The following PTPN14 variants were observed in gnomAD, a reference collection of about 807,000 sequenced individuals.
The protein encoded by PTPN14 is protein tyrosine phosphatase non-receptor type 14.
A neutral mutation model predicts 126.8 loss-of-function variants in PTPN14; 53 were observed. The observed-to-expected ratio is 0.42, with a 90% CI of 0.34 to 0.53. The LOEUF is 0.53. Ranked by LOEUF, PTPN14 falls within the 20% of genes least tolerant of loss-of-function variation. The pLI is 0.08. For synonymous variants in PTPN14, 630 were observed against 599.3 expected, an observed-to-expected ratio of 1.05 and a Z score of -0.75; for missense variants, 1,257 against 1,552.9, an observed-to-expected ratio of 0.81 and a Z score of 3.20.
At chr1:214,476,852 G>A (rs1277033911) in intron 1 of PTPN14, among the ~76,000 whole-genome samples, 2 of 152,118 alleles carry the variant, frequency 1.3e-5, no homozygotes, top group African/African-American at 2.4e-5. Context: ...CCTGGCACAT[G>A]GTAAGCATTG....
chr1:214,498,833 G>A (rs904454740), intron 1 of PTPN14, among the ~76,000 whole-genome samples: 13 of 152,022 alleles, frequency 8.6e-5, no homozygotes, highest in Admixed American at 6.5e-4. Flanking sequence ...TTAAGAGATA[G>A]GGTCTCACTC....
chr1:214,441,988 T>C (rs1057029241), intron 3 of PTPN14, among the ~76,000 whole-genome samples: 2 of 152,260 alleles, frequency 1.3e-5, no homozygotes, highest in Admixed American at 1.3e-4. Flanking sequence ...TGAATGTATC[T>C]TTGAAAATCA....
chr1:214,527,744 G>C (rs1169072537), intron 1 of PTPN14, among the ~76,000 whole-genome samples: 1 of 152,174 alleles, frequency 6.6e-6, no homozygotes, highest in East Asian at 1.9e-4. Flanking sequence ...ACACAATGAA[G>C]TAGAAAAATC....
rs368369053 is a variant in PTPN14, at chr1:214,384,507, G to A, written c.1348C>T (p.Arg450Cys). The A allele has an allele frequency of 1.6e-5, 26 of 1,613,996 alleles. No homozygotes were observed. The highest frequency in any genetic ancestry group is 1.9e-5 in the Non-Finnish European group (23 of 1,180,040). ...TGCAGGATCCCCCTCTTCATCTGGC[G>A]CATGACTGTCTCATAATCGGGGGTT... ...RPTPDYETVM[R>C]QMKRGILHTD... The change falls in exon 13 of 19, where the codon CGC becomes TGC. Residue 450 changes from arginine to cysteine, a missense_variant. Arg to Cys is a radical substitution (Grantham distance 180, BLOSUM62 -3). This residue lies in a region of PTPN14 where 1,021 missense variants were observed against 1,183.3 expected (regional missense o/e 0.86). Transcript: ENST00000366956. The surrounding 1 kb of genome is among the most constrained non-coding windows in gnomAD (Gnocchi z 5.3).
chr1:214,463,249 G>C (rs572598434), intron 2 of PTPN14, among the ~76,000 whole-genome samples: 1 of 152,256 alleles, frequency 6.6e-6, no homozygotes, highest in African/African-American at 2.4e-5. Context: ...ATCAGTATTT[G>C]TTTTTCCTTT....
At chr1:214,502,580 T>C (rs1245321646) in intron 1 of PTPN14, among the ~76,000 whole-genome samples, 1 of 152,100 alleles carries the variant, frequency 6.6e-6, no homozygotes, top group Non-Finnish European at 1.5e-5. Context: ...GCTGGTCTCA[T>C]ACTCCCGGTA....
At chr1:214,503,111 G>A (rs1654747220) in intron 1 of PTPN14, among the ~76,000 whole-genome samples, 1 of 152,088 alleles carries the variant, frequency 6.6e-6, no homozygotes, top group Non-Finnish European at 1.5e-5. Context: ...GCATACACTT[G>A]GAGAAACATG....
At chr1:214,542,405 G>A (rs1161581253) in intron 1 of PTPN14, among the ~76,000 whole-genome samples, 4 of 152,170 alleles carry the variant, frequency 2.6e-5, no homozygotes, top group South Asian at 4.1e-4. Context: ...TCATAATGAC[G>A]CGGGGGGGCA....
At chr1:214,368,196 T>TTTTATTTATTTA (rs142403379) in intron 17 of PTPN14, among the ~76,000 whole-genome samples, 3,529 of 146,268 alleles carry the variant, frequency 0.024, 123 homozygotes, top group African/African-American at 0.068. Context: ...TGTTATTCGT[T>TTTTATTTATTTA]TTTATTTATT....
At chr1:214,511,528 G>A (rs933635626) in intron 1 of PTPN14, among the ~76,000 whole-genome samples, 1 of 152,052 alleles carries the variant, frequency 6.6e-6, no homozygotes, top group Admixed American at 6.6e-5. Context: ...ACAAGTGTTG[G>A]CGAGGATGTG....
intron 6 of PTPN14, among the ~76,000 whole-genome samples, chr1:214,402,257 G>A (rs1359250261): frequency 2.0e-5 from 3 of 151,738 alleles, no homozygotes; most frequent in Non-Finnish European, 4.4e-5. Context: ...GGCCCACATG[G>A]TGAAACCCCA....
chr1:214,432,330 AG>A (rs2102608731), intron 3 of PTPN14, among the ~76,000 whole-genome samples: 1 of 147,968 alleles, frequency 6.8e-6, no homozygotes, highest in African/African-American at 2.7e-5. Flanking sequence ...CAATACAGAA[AG>A]AAAGAAAAAA....
intron 1 of PTPN14, among the ~76,000 whole-genome samples, chr1:214,503,651 C>A (rs1418731348): frequency 6.6e-6 from 1 of 152,210 alleles, no homozygotes; most frequent in Non-Finnish European, 1.5e-5. Context: ...TGTGATCCCA[C>A]TAGTGTGATG....
At chr1:214,538,080 G>C (rs1324872415) in intron 1 of PTPN14, among the ~76,000 whole-genome samples, 1 of 152,130 alleles carries the variant, frequency 6.6e-6, no homozygotes, top group Non-Finnish European at 1.5e-5. Flanking sequence ...CAGCCACATG[G>C]GGCTAAAGGC....
At chr1:214,497,847 G>C (rs1006037167) in intron 1 of PTPN14, among the ~76,000 whole-genome samples, 2 of 151,594 alleles carry the variant, frequency 1.3e-5, no homozygotes, top group African/African-American at 2.4e-5. Flanking sequence ...CTATTCTTAG[G>C]GGGAAAAAAA....
At chr1:214,501,602 T>C (rs1654701627) in intron 1 of PTPN14, among the ~76,000 whole-genome samples, 1 of 152,150 alleles carries the variant, frequency 6.6e-6, no homozygotes, top group Non-Finnish European at 1.5e-5. Flanking sequence ...GGTAACCCTA[T>C]GCCTCTCTTT....
At chr1:214,369,058 C>T (rs1370755475) in intron 17 of PTPN14, among the ~76,000 whole-genome samples, 1 of 152,176 alleles carries the variant, frequency 6.6e-6, no homozygotes, top group Non-Finnish European at 1.5e-5. Context: ...TGTCTCTGAC[C>T]TTGCCTATTC....
At chr1:214,366,823 A>G (rs1008075869) in intron 17 of PTPN14, among the ~76,000 whole-genome samples, 3 of 151,960 alleles carry the variant, frequency 2.0e-5, no homozygotes, top group African/African-American at 7.3e-5. Context: ...CTCTACTAAA[A>G]ATACAAAAAA....
intron 3 of PTPN14, among the ~76,000 whole-genome samples, chr1:214,424,944 A>G (rs1251313301): frequency 2.7e-5 from 4 of 150,082 alleles, no homozygotes; most frequent in Non-Finnish European, 5.9e-5. Context: ...ATTTGTAATG[A>G]TAACATGCCT....
Sources: allele counts gnomAD v4.1 joint callset (sites outside exome capture counted in the v4.1 genomes callset), GRCh38; gene constraint gnomAD v4.1.1; regional missense constraint gnomAD v4.1.1; non-coding constraint Gnocchi (gnomAD v3.1); transcripts MANE v1.5; gene names NCBI Gene and HGNC (gene_info 2026-07-23, HGNC 2026-07-21).